The following CERS6 variants were observed in gnomAD, a reference collection of about 807,000 sequenced individuals.
CERS6 encodes the protein LAG1 homolog, ceramide synthase 6.
A neutral mutation model predicts 56.8 loss-of-function variants in CERS6; 26 were observed. The observed-to-expected ratio is 0.46, with a 90% CI of 0.34 to 0.63. CERS6 has a LOEUF of 0.63. CERS6 is among the 30% of genes least tolerant of loss of function. The pLI is 0.01. For missense variants in CERS6, 415 were observed against 467.5 expected (o/e 0.89, Z 1.04); for synonymous variants, 164 against 173.3 (o/e 0.95, Z 0.42).
rs368988901 is a variant in CERS6, at chr2:168,491,473, C to A, written c.170+34855C>A. ...TAGTATATTTTCTGTGCTATTTGTTCTTTTCTAATCTTTGTTTTTTTTTCA... is the reference window on the plus strand; with the variant it reads ...TAGTATATTTTCTGTGCTATTTGTTATTTTCTAATCTTTGTTTTTTTTTCA... On this transcript the variant is annotated intron_variant, in intron 1 of 9. Transcript: ENST00000305747. Among the ~76,000 whole-genome samples the A allele has an allele frequency of 4.0e-5, 6 of 151,534 alleles. No individual in the cohort carries two copies. In the East Asian group the frequency reaches 9.7e-4, roughly 24 times the overall value.
At chr2:168,519,943 C>A (rs1694948212) in intron 1 of CERS6, among the ~76,000 whole-genome samples, 1 of 152,116 alleles carries the variant, frequency 6.6e-6, no homozygotes, top group African/African-American at 2.4e-5. Context: ...GGTATTTACC[C>A]AGTTATAGGA....
chr2:168,485,938 C>T (rs946802420), intron 1 of CERS6, among the ~76,000 whole-genome samples: 12 of 152,158 alleles, frequency 7.9e-5, no homozygotes, highest in Non-Finnish European at 1.5e-4. Flanking sequence ...AACTGCAAAA[C>T]TGTTTTCCAA....
rs200854909 is a variant in CERS6, at chr2:168,668,440, C to CT, written c.466-22593dup. ...CATTGCTTGCACTCCATTTCCAACTCTATCTTTTTTTTTTTTTTTTTCTGG... is the reference window on the plus strand; with the variant it reads ...CATTGCTTGCACTCCATTTCCAACTCTTATCTTTTTTTTTTTTTTTTTCTGG... On this transcript the variant is annotated intron_variant, in intron 4 of 9. Transcript: ENST00000305747. Among the ~76,000 whole-genome samples, 752 of 124,770 alleles carry CT rather than the reference C, an allele frequency of 6.0e-3. 4 individuals carry two copies. The highest frequency in any genetic ancestry group is 0.021 in the African/African-American group (654 of 31,352). The allele number at this position is 124,770 out of a possible 152,430, so 81.9% of individuals were successfully genotyped here. A position where few individuals can be genotyped will look rare whatever the true frequency, so the allele number is the denominator to read the frequency against.
intron 3 of CERS6, among the ~76,000 whole-genome samples, chr2:168,591,733 G>T (rs1415321783): frequency 2.6e-5 from 4 of 152,146 alleles, no homozygotes; most frequent in Non-Finnish European, 5.9e-5. Context: ...TTATAAAGAT[G>T]CATAAAAACA....
intron 1 of CERS6, among the ~76,000 whole-genome samples, chr2:168,477,199 G>GAGAGAGAGAT (rs1553483343): frequency 2.7e-5 from 4 of 150,846 alleles, no homozygotes; most frequent in African/African-American, 9.8e-5. Context: ...GAGAGAGAGA[G>GAGAGAGAGAT]AGAGAGAGAG....
intron 1 of CERS6, among the ~76,000 whole-genome samples, chr2:168,476,506 ATAGAT>A (rs1460706190): frequency 6.6e-6 from 1 of 152,122 alleles, no homozygotes; most frequent in African/African-American, 2.4e-5. Context: ...AATATGTTAG[ATAGAT>A]TAGATAGGAG....
At position 168,456,808 on chromosome 2, in the gene CERS6, TGCCAC is replaced by T. The variant is rs894231003; in HGVS notation, c.170+192_170+196del. 2.6e-5 allele frequency among the ~76,000 whole-genome samples: 4 copies of T among 152,130 alleles called. No individual in the cohort carries two copies. The highest frequency in any genetic ancestry group is 9.7e-5 in the African/African-American group (4 of 41,434). On this transcript the variant is annotated intron_variant, in intron 1 of 9. Coordinates refer to ENST00000305747, the MANE Select transcript of CERS6 (RefSeq NM_203463.3). This position sits in a 1 kb window ranked among gnomAD's most constrained non-coding sequence, Gnocchi z 4.1. ...TCTGGGAGCCAGAAAGGGTCTGGCT[TGCCAC>T]GGATTTCCTCCCGGGCGCCGGGGAG... is the stretch of plus-strand genomic sequence containing the variant.
chr2:168,752,726 G>A lies in CERS6; in HGVS notation c.846-12866G>A, dbSNP rs540149489. 3.9e-5 allele frequency among the ~76,000 whole-genome samples: 6 copies of A among 152,346 alleles called. 1 individual carries two copies. The highest frequency in any genetic ancestry group is 3.9e-4 in the East Asian group (2 of 5,192). Reference sequence around the variant, plus strand: ...GCTGAAAGCTGAGGTTCTGCACACCGTTCAGTGTGCTCAGGAGGCAGTGGT... The same window carrying A: ...GCTGAAAGCTGAGGTTCTGCACACCATTCAGTGTGCTCAGGAGGCAGTGGT... On this transcript the variant is annotated intron_variant, in intron 8 of 9. Transcript: ENST00000305747.
At chr2:168,479,101 G>A (rs1358392197) in intron 1 of CERS6, among the ~76,000 whole-genome samples, 1 of 152,058 alleles carries the variant, frequency 6.6e-6, no homozygotes, top group Admixed American at 6.6e-5. Flanking sequence ...CTGATTTGAA[G>A]TGCTACCTCG....
At chr2:168,630,775 T>G (rs964479848) in intron 3 of CERS6, among the ~76,000 whole-genome samples, 4 of 152,192 alleles carry the variant, frequency 2.6e-5, no homozygotes, top group African/African-American at 9.6e-5. Flanking sequence ...AAAATTAAGT[T>G]ATGAATATAA....
rs866153854 is a variant in CERS6, at chr2:168,566,505, A to G, written c.407+5183A>G. Among the ~76,000 whole-genome samples, 9 of 152,232 alleles carry G rather than the reference A, an allele frequency of 5.9e-5. No homozygotes were observed. The South Asian group carries it at 1.7e-3, about 28-fold the overall frequency. On this transcript the variant is annotated intron_variant, in intron 3 of 9. Transcript: ENST00000305747. ...TTCTTAGTTTGTGATTCCATTGAAC[A>G]CGAGCTAATTCATCATTGAAAAATG...
chr2:168,671,305 G>T (rs1477077836), intron 4 of CERS6, among the ~76,000 whole-genome samples: 2 of 152,062 alleles, frequency 1.3e-5, no homozygotes, highest in Admixed American at 1.3e-4. Context: ...ATACTTTAGG[G>T]ACTTAATTGT....
At chr2:168,514,642 G>A (rs1306967757) in intron 1 of CERS6, among the ~76,000 whole-genome samples, 1 of 152,188 alleles carries the variant, frequency 6.6e-6, no homozygotes, top group Admixed American at 6.5e-5. Context: ...TGTTATAGAC[G>A]AGAGAGAAGA....
intron 1 of CERS6, among the ~76,000 whole-genome samples, chr2:168,470,945 T>A (rs1693965330): frequency 6.7e-6 from 1 of 149,958 alleles, no homozygotes; most frequent in Admixed American, 6.7e-5. Context: ...AAATTCCAGC[T>A]CCTCCCAAGG....
intron 8 of CERS6, among the ~76,000 whole-genome samples, chr2:168,728,942 G>C (rs542114941): frequency 2.0e-5 from 3 of 150,962 alleles, no homozygotes; most frequent in African/African-American, 7.3e-5. Context: ...CCCGGGATGC[G>C]GAGGTTGCAG....
chr2:168,560,545 A>G (rs1695768929), intron 2 of CERS6, among the ~76,000 whole-genome samples: 1 of 152,202 alleles, frequency 6.6e-6, no homozygotes, highest in South Asian at 2.1e-4. Context: ...CAAGTAATGC[A>G]TAGTCTTAGT....
chr2:168,497,726 G>A (rs1385632251), intron 1 of CERS6, among the ~76,000 whole-genome samples: 1 of 152,154 alleles, frequency 6.6e-6, no homozygotes, highest in Non-Finnish European at 1.5e-5. Flanking sequence ...GGAAGCCCTG[G>A]GAAGCCCCTG....
intron 4 of CERS6, among the ~76,000 whole-genome samples, chr2:168,678,288 G>A (rs1402505903): frequency 6.6e-6 from 1 of 152,156 alleles, no homozygotes; most frequent in African/African-American, 2.4e-5. Context: ...GCGAATCGCT[G>A]CCTGAGGTAC....
rs368177467 is a variant in CERS6, at chr2:168,724,885, C to T, written c.845+6907C>T. Among the ~76,000 whole-genome samples the T allele has an allele frequency of 5.4e-3, 827 of 152,352 alleles. 7 individuals carry two copies. The highest frequency in any genetic ancestry group is 0.018 in the African/African-American group (765 of 41,586). On this transcript the variant is annotated intron_variant, in intron 8 of 9. Coordinates refer to ENST00000305747, the MANE Select transcript of CERS6 (RefSeq NM_203463.3). Reference sequence around the variant, plus strand: ...CAGGTGGAGCTGCCTGCCAGTCCAGCGCCGTGTGCCTGCACTCCTCAGCCC... The same window carrying T: ...CAGGTGGAGCTGCCTGCCAGTCCAGTGCCGTGTGCCTGCACTCCTCAGCCC...
Sources: allele counts gnomAD v4.1 joint callset (sites outside exome capture counted in the v4.1 genomes callset), GRCh38; gene constraint gnomAD v4.1.1; non-coding constraint Gnocchi (gnomAD v3.1); transcripts MANE v1.5; gene names NCBI Gene and HGNC (gene_info 2026-07-23, HGNC 2026-07-21).